TMEM44: variants seen among roughly 807,000 people sequenced by gnomAD.
TMEM44 encodes the protein transmembrane protein 44.
TMEM44 carries 43 observed loss-of-function variants against 47.8 expected under a neutral mutation model. The observed-to-expected ratio is 0.90, with a 90% confidence interval of 0.70 to 1.16. TMEM44 has a LOEUF of 1.16. Among genes scored for constraint, TMEM44 ranks in the 50% most tolerant of loss-of-function variants. TMEM44 has a pLI of 0.00. For missense variants in TMEM44, 568 were observed against 555.2 expected, an observed-to-expected ratio of 1.02 and a Z score of -0.23; for synonymous variants, 277 against 238.8, an observed-to-expected ratio of 1.16 and a Z score of -1.48.
At chr3:194,612,326 C>CA (rs1404210078) in intron 7 of TMEM44, among the ~76,000 whole-genome samples, 4 of 152,270 alleles carry the variant, frequency 2.6e-5, no homozygotes, top group African/African-American at 9.6e-5. Flanking sequence ...AATAACTTCC[C>CA]ACTAGGGCCT....
intron 5 of TMEM44, among the ~76,000 whole-genome samples, chr3:194,618,840 C>G (rs946282250): frequency 5.3e-5 from 8 of 152,204 alleles, no homozygotes; most frequent in African/African-American, 1.9e-4. Flanking sequence ...GTTTTGTCTC[C>G]AGGCCTCCCT....
intron 1 of TMEM44, among the ~76,000 whole-genome samples, chr3:194,629,159 G>T (rs1017663798): frequency 1.6e-4 from 24 of 149,562 alleles, no homozygotes; most frequent in African/African-American, 5.9e-4. Context: ...GCGAGACTCC[G>T]TCTCAAAAAA....
At chr3:194,607,182 G>T (rs75077206) in intron 8 of TMEM44, among the ~76,000 whole-genome samples, 4,580 of 152,062 alleles carry the variant, frequency 0.03, 100 homozygotes, top group Non-Finnish European at 0.048. Context: ...CTGCTTGTTA[G>T]AAAGAGCCTG....
In TMEM44 at chr3:194,588,514, T is replaced by G; in HGVS notation, c.*15A>C. 2 of 1,612,108 alleles carry G rather than the reference T, an allele frequency of 1.2e-6. No individual in the cohort carries two copies. Among genetic ancestry groups the G allele is most frequent in the Non-Finnish European group, 1.7e-6 (2 of 1,178,364 alleles). On this transcript the variant is annotated 3_prime_UTR_variant, in exon 10 of 10. Transcript: ENST00000347147. ...GACCCTGGGCTCTGAGCTGATGAGCTGGCTCCAGAAGGTGTTAATCATCAT... is the reference window on the plus strand; with the variant it reads ...GACCCTGGGCTCTGAGCTGATGAGCGGGCTCCAGAAGGTGTTAATCATCAT...
chr3:194,604,313 C>A lies in TMEM44; in HGVS notation c.1150G>T (p.Val384Phe). 3 of 1,580,982 alleles carry A rather than the reference C, an allele frequency of 1.9e-6. No homozygotes were observed. The highest frequency in any genetic ancestry group is 8.6e-7 in the Non-Finnish European group (1 of 1,164,218). ...TCCAGGTCGGAGTTGATGGAGGAGA[C>A]CTCAGAGGAGCTGCCGGAAGACACC... ...ARVSSGSSSE[V>F]SSINSDLEWD... Residue 384 changes from valine to phenylalanine, a missense_variant, in exon 9 of 10, where the codon GTC becomes TTC. Val to Phe is a conservative substitution (Grantham distance 50). Coordinates refer to ENST00000347147, the MANE Select transcript of TMEM44 (RefSeq NM_001011655.3).
At chr3:194,622,547 CTT>C (rs746646409) in intron 5 of TMEM44, 29 of 131,732 alleles carry the variant, frequency 2.2e-4, no homozygotes, top group East Asian at 6.6e-4. Context: ...ATAAGACACT[CTT>C]TTTTTTTTTT....
Position 194,617,193 on chromosome 3 carries a change from G to T in TMEM44, c.689C>A (p.Ser230Ter), listed in dbSNP as rs138638334. 1.3e-6 allele frequency: 2 copies of T among 1,553,368 alleles called. No individual in the cohort carries two copies. Among genetic ancestry groups the T allele is most frequent in the Admixed American group, 3.9e-5 (2 of 51,018 alleles). Residue 230 changes from serine (S) to a stop codon, truncating the protein, a stop_gained, in exon 6 of 10, where the codon TCG becomes TAG. Coordinates refer to ENST00000347147, the MANE Select transcript of TMEM44 (RefSeq NM_001011655.3). LOFTEE classifies it high-confidence loss of function. The part of the protein sequence containing the change: ...LSALAGLLYA[S>*]AIVAHDQHPE... ...GTGCTGGTCGTGGGCCACAATGGCC[G>T]AGGCATAGAGGAGGCCAGCCAGGGC...
intron 2 of TMEM44, among the ~76,000 whole-genome samples, chr3:194,626,741 T>C (rs1214118673): frequency 2.7e-5 from 4 of 147,648 alleles, no homozygotes; most frequent in Non-Finnish European, 5.9e-5. Context: ...TGGAGTGCAG[T>C]GGCGTGATCT....
intron 1 of TMEM44, among the ~76,000 whole-genome samples, chr3:194,631,689 G>T (rs1215644574): frequency 6.6e-6 from 1 of 152,170 alleles, no homozygotes; most frequent in Non-Finnish European, 1.5e-5. Flanking sequence ...GGCTTCACAC[G>T]CGGGGGCTTT....
intron 8 of TMEM44, among the ~76,000 whole-genome samples, chr3:194,609,819 G>C (rs780477237): frequency 2.6e-5 from 4 of 151,930 alleles, no homozygotes; most frequent in African/African-American, 7.3e-5. Context: ...CTGACTGCTC[G>C]GCTGCTACTC....
chr3:194,621,964 G>T (rs1716589163), intron 5 of TMEM44, among the ~76,000 whole-genome samples: 1 of 152,096 alleles, frequency 6.6e-6, no homozygotes, highest in Non-Finnish European at 1.5e-5. Context: ...CACCTGCCTC[G>T]GCCTCCCAAA....
At chr3:194,617,071 G>T in intron 6 of TMEM44, 28 bp downstream of exon 6, 2 of 1,460,464 alleles carry the variant, frequency 1.4e-6, no homozygotes, top group Non-Finnish European at 1.8e-6. Flanking sequence ...GCTGCAAGCA[G>T]GGAGCTCCCC....
At chr3:194,612,609 G>A (rs1577193133) in intron 7 of TMEM44, among the ~76,000 whole-genome samples, 1 of 118,724 alleles carries the variant, frequency 8.4e-6, no homozygotes, top group East Asian at 2.0e-4. Flanking sequence ...ATAGATGAGA[G>A]TTTTTTCCAA....
At chr3:194,599,829 G>A (rs922003865) in intron 9 of TMEM44, among the ~76,000 whole-genome samples, 1 of 150,914 alleles carries the variant, frequency 6.6e-6, no homozygotes, top group Non-Finnish European at 1.5e-5. Flanking sequence ...GCTCGATCTC[G>A]GCTCACTGCA....
chr3:194,633,322 TCCGCCGCGGCGCCTCCGGCCGAGCGCAC>T lies in TMEM44; in HGVS notation c.-135_-108del, dbSNP rs1718037957. On this transcript the variant is annotated 5_prime_UTR_variant, in exon 1 of 10. Coordinates refer to ENST00000347147, the MANE Select transcript of TMEM44 (RefSeq NM_001011655.3). ...CCGCGTGCCCTTCTCTGGGTTCCGT[TCCGCCGCGGCGCCTCCGGCCGAGCGCAC>T]CGACCGCGGGCAGAGAAGGGCGCGC... The T allele has an allele frequency of 6.6e-6, 3 of 457,232 alleles. No homozygotes were observed. 28.3% of individuals were successfully genotyped at this position (457,232 alleles called of 1,614,324 possible).
chr3:194,616,588 C>G (rs1164638809), intron 6 of TMEM44: 1 of 456,738 alleles, frequency 2.2e-6, no homozygotes, highest in East Asian at 6.9e-5. Flanking sequence ...CCACTGGCAG[C>G]TGGAAGAGGC....
intron 8 of TMEM44, among the ~76,000 whole-genome samples, chr3:194,606,940 G>A (rs1257459802): frequency 6.5e-5 from 6 of 92,346 alleles, no homozygotes; most frequent in East Asian, 5.8e-4. Flanking sequence ...GCGACAGAGC[G>A]AGACTCTGCC....
chr3:194,617,297 G>T, intron 5 of TMEM44, 28 bp from the exon 6 acceptor site: 5 of 1,466,724 alleles, frequency 3.4e-6, no homozygotes, highest in Non-Finnish European at 3.6e-6. Flanking sequence ...GGGGCTGGGC[G>T]GGAGAAGCAG....
intron 9 of TMEM44, among the ~76,000 whole-genome samples, chr3:194,597,966 T>C (rs964203441): frequency 1.3e-5 from 2 of 152,338 alleles, no homozygotes; most frequent in South Asian, 2.1e-4. Flanking sequence ...GGAATCTTTA[T>C]TCAACATCTG....
Sources: allele counts gnomAD v4.1 joint callset (sites outside exome capture counted in the v4.1 genomes callset), GRCh38; gene constraint gnomAD v4.1.1; transcripts MANE v1.5; gene names NCBI Gene and HGNC (gene_info 2026-07-23, HGNC 2026-07-21).